The following MBNL2 variants were observed in gnomAD, a reference collection of about 807,000 sequenced individuals.
MBNL2 encodes muscleblind-like protein 2.
A neutral mutation model predicts 41.9 loss-of-function variants in MBNL2; 17 were observed. The ratio of observed to expected loss-of-function variants is 0.41; its 90% CI spans 0.28 to 0.61. The LOEUF (loss-of-function observed/expected upper bound fraction) is 0.61, where lower values mean the gene tolerates loss of function less well. MBNL2 is among the 20% of genes least tolerant of loss of function. The probability of loss-of-function intolerance (pLI) is 0.35; values close to 1 mark genes in which losing one functional copy is unlikely to be tolerated. For synonymous variants in MBNL2, 195 were observed against 182.9 expected (o/e 1.07, Z -0.53); for missense variants, 336 against 505.6 (o/e 0.66, Z 3.22).
chr13:97,276,109 T>C lies in MBNL2; in HGVS notation c.-127T>C. On this transcript the variant is annotated 5_prime_UTR_variant, in exon 2 of 9. Coordinates refer to ENST00000679496, the MANE Select transcript of MBNL2 (RefSeq NM_001382683.1). Reference sequence around the variant, plus strand: ...TCCTGTTCCTTGGATTGGACTTCACTAAGCAATTTATCACTCACCTTCAGA... The same window carrying C: ...TCCTGTTCCTTGGATTGGACTTCACCAAGCAATTTATCACTCACCTTCAGA... 2.9e-6 allele frequency: 2 copies of C among 699,376 alleles called. No individual in the cohort carries two copies. The highest frequency in any genetic ancestry group is 2.4e-5 in the Admixed American group (1 of 40,954). 43.3% of individuals were successfully genotyped at this position (699,376 alleles called of 1,614,324 possible). A position where few individuals can be genotyped will look rare whatever the true frequency, so the allele number is the denominator to read the frequency against.
intron 5 of MBNL2, among the ~76,000 whole-genome samples, chr13:97,347,735 C>G (rs971731812): frequency 6.6e-6 from 1 of 152,124 alleles, no homozygotes; most frequent in Non-Finnish European, 1.5e-5. Context: ...ACCAGCAGTA[C>G]ATCATCATTA....
chr13:97,239,957 C>T (rs1321131756), intron 1 of MBNL2, among the ~76,000 whole-genome samples: 1 of 152,182 alleles, frequency 6.6e-6, no homozygotes, highest in Non-Finnish European at 1.5e-5. Flanking sequence ...CACCTCTCCA[C>T]CCAACTCCAA....
intron 2 of MBNL2, among the ~76,000 whole-genome samples, chr13:97,333,942 GAA>G: frequency 1.1e-5 from 1 of 94,388 alleles, no homozygotes; most frequent in African/African-American, 4.3e-5. Context: ...AAGAAAGAAA[GAA>G]AAGAAAGAAA....
At chr13:97,338,875 G>T (rs1388961108) in intron 3 of MBNL2, among the ~76,000 whole-genome samples, 1 of 152,140 alleles carries the variant, frequency 6.6e-6, no homozygotes, top group Non-Finnish European at 1.5e-5. Context: ...AAACGAGTGG[G>T]ACGACGGCAT....
intron 1 of MBNL2, among the ~76,000 whole-genome samples, chr13:97,265,501 A>G (rs2049559271): frequency 6.6e-6 from 1 of 152,236 alleles, no homozygotes; most frequent in African/African-American, 2.4e-5. Flanking sequence ...AAGACAGTCT[A>G]TCAAGGGCGT....
At chr13:97,269,326 C>G (rs533682654) in intron 1 of MBNL2, among the ~76,000 whole-genome samples, 1 of 152,244 alleles carries the variant, frequency 6.6e-6, no homozygotes, top group East Asian at 1.9e-4. Context: ...CTGGGAAAGG[C>G]TAAGGGTGCC....
At chr13:97,175,308 T>G in the MBNL2 span, among the ~76,000 whole-genome samples, 1 of 152,182 alleles carries the variant, frequency 6.6e-6, no homozygotes, top group East Asian at 1.9e-4. Context: ...TCCCCGTTTA[T>G]CCTTCATAGG....
chr13:97,171,298 CA>C, the MBNL2 span, among the ~76,000 whole-genome samples: 1 of 152,094 alleles, frequency 6.6e-6, no homozygotes, highest in Non-Finnish European at 1.5e-5. Context: ...ACTATAGAGG[CA>C]TAGAGTCGTT....
At chr13:97,154,300 C>A in the MBNL2 span, among the ~76,000 whole-genome samples, 31 of 151,856 alleles carry the variant, frequency 2.0e-4, no homozygotes, top group African/African-American at 7.3e-4. Flanking sequence ...ATTTTTTACC[C>A]GTTGGTTTTT....
intron 1 of MBNL2, among the ~76,000 whole-genome samples, chr13:97,265,106 A>G (rs1038415898): frequency 2.0e-5 from 3 of 152,226 alleles, no homozygotes; most frequent in Non-Finnish European, 4.4e-5. Context: ...TAGTTTCAAG[A>G]ATATATTTAG....
chr13:97,199,847 C>T, the MBNL2 span, among the ~76,000 whole-genome samples: 4 of 152,196 alleles, frequency 2.6e-5, no homozygotes, highest in South Asian at 8.3e-4. Context: ...GATCAAGAAG[C>T]AGAACTGCTT....
At chr13:97,186,718 C>G in the MBNL2 span, among the ~76,000 whole-genome samples, 1 of 152,062 alleles carries the variant, frequency 6.6e-6, no homozygotes, top group Non-Finnish European at 1.5e-5. Flanking sequence ...AGCAAATCAT[C>G]GTTTTAAGAT....
At chr13:97,174,543 A>G in the MBNL2 span, among the ~76,000 whole-genome samples, 1 of 152,256 alleles carries the variant, frequency 6.6e-6, no homozygotes, top group East Asian at 1.9e-4. Flanking sequence ...GCTGAAAGCT[A>G]CATGTCTTCA....
chr13:97,304,041 C>T (rs1346223736), intron 2 of MBNL2, among the ~76,000 whole-genome samples: 1 of 152,202 alleles, frequency 6.6e-6, no homozygotes, highest in African/African-American at 2.4e-5. Flanking sequence ...ACTTCTAGCC[C>T]ACTTTCAGGA....
intron 2 of MBNL2, among the ~76,000 whole-genome samples, chr13:97,310,772 A>G (rs1486879251): frequency 7.0e-6 from 1 of 142,220 alleles, no homozygotes; most frequent in Non-Finnish European, 1.5e-5. Flanking sequence ...GAACTTTTGA[A>G]ATTCAGCATC....
At chr13:97,245,970 C>T (rs1055147413) in intron 1 of MBNL2, among the ~76,000 whole-genome samples, 3 of 152,118 alleles carry the variant, frequency 2.0e-5, no homozygotes, top group Non-Finnish European at 4.4e-5. Context: ...CTTTGATTTA[C>T]TTTCAGAATG....
At chr13:97,318,388 T>C (rs2059229442) in intron 2 of MBNL2, among the ~76,000 whole-genome samples, 1 of 152,188 alleles carries the variant, frequency 6.6e-6, no homozygotes, top group Non-Finnish European at 1.5e-5. Context: ...ACAAGATCAT[T>C]CATCTCCTCA....
intron 8 of MBNL2, among the ~76,000 whole-genome samples, chr13:97,372,605 G>A (rs1471310582): frequency 6.6e-6 from 1 of 152,028 alleles, no homozygotes; most frequent in African/African-American, 2.4e-5. Context: ...AGACTTACCT[G>A]ACATAGTTTT....
chr13:97,356,205 A>G (rs1416425076), intron 5 of MBNL2, among the ~76,000 whole-genome samples: 3 of 151,994 alleles, frequency 2.0e-5, no homozygotes, highest in East Asian at 3.9e-4. Context: ...TCCAAACCCA[A>G]CAGTTTCGCC....
Sources: allele counts gnomAD v4.1 joint callset (sites outside exome capture counted in the v4.1 genomes callset), GRCh38; gene constraint gnomAD v4.1.1; transcripts MANE v1.5; gene names NCBI Gene and HGNC (gene_info 2026-07-23, HGNC 2026-07-21).